The following DCAF7 variants were observed in gnomAD, a reference collection of about 807,000 sequenced individuals.
DCAF7 encodes the protein DDB1 and CUL4 associated factor 7.
DCAF7 carries 4 observed loss-of-function variants against 41.2 expected under a neutral mutation model. The ratio of observed to expected loss-of-function variants is 0.10; its 90% CI spans 0.05 to 0.22. The LOEUF (loss-of-function observed/expected upper bound fraction) is 0.22, where lower values mean the gene tolerates loss of function less well. Ranked by LOEUF, DCAF7 falls within the 10% of genes least tolerant of loss-of-function variation. DCAF7 has a pLI of 1.00. For synonymous variants in DCAF7, 143 were observed against 164.2 expected (o/e 0.87, Z 0.99); for missense variants, 131 against 443.2 (o/e 0.30, Z 6.32).
rs879887959 is a variant in DCAF7, at chr17:63,575,687, G to GA, written c.139-2775dup. 2.0e-4 allele frequency among the ~76,000 whole-genome samples: 31 copies of GA among 151,824 alleles called. No individual in the cohort carries two copies. In the East Asian group the frequency reaches 2.1e-3, roughly 10 times the overall value. ...TGGGTGCTAGAGCGAGACTCTGTCTGAAAAAAAAGAACTTAAAAAAGGCGT... is the reference window on the plus strand; with the variant it reads ...TGGGTGCTAGAGCGAGACTCTGTCTGAAAAAAAAAGAACTTAAAAAAGGCGT... On this transcript the variant is annotated intron_variant, in intron 1 of 6. Transcript: ENST00000614556.
intron 1 of DCAF7, among the ~76,000 whole-genome samples, chr17:63,565,103 G>A (rs892016707): frequency 1.3e-5 from 2 of 152,278 alleles, no homozygotes; most frequent in East Asian, 1.9e-4. Context: ...ATGCCACTGC[G>A]TTCCAGCCTG....
chr17:63,567,381 G>A (rs2033454911), intron 1 of DCAF7, among the ~76,000 whole-genome samples: 1 of 152,200 alleles, frequency 6.6e-6, no homozygotes, highest in Admixed American at 6.5e-5. Context: ...TGGAGCAGAA[G>A]AGCCAGTGTC....
chr17:63,569,991 G>T (rs1036512182), intron 1 of DCAF7, among the ~76,000 whole-genome samples: 1 of 152,160 alleles, frequency 6.6e-6, no homozygotes, highest in South Asian at 2.1e-4. Context: ...GGGATTACAG[G>T]TGTGAGCCAC....
chr17:63,582,168 G>A (rs1327204156), intron 4 of DCAF7, among the ~76,000 whole-genome samples: 1 of 152,176 alleles, frequency 6.6e-6, no homozygotes, highest in Non-Finnish European at 1.5e-5. Flanking sequence ...CCTTGTTGAT[G>A]ACTGGCCCGG....
intron 1 of DCAF7, among the ~76,000 whole-genome samples, chr17:63,570,326 C>T (rs934603634): frequency 1.3e-5 from 2 of 151,922 alleles, no homozygotes; most frequent in Non-Finnish European, 2.9e-5. Flanking sequence ...TGGTGGTATG[C>T]ACCTGTAATC....
chr17:63,552,085 A>C (rs909847026), intron 1 of DCAF7, among the ~76,000 whole-genome samples: 5 of 151,874 alleles, frequency 3.3e-5, no homozygotes, highest in African/African-American at 1.2e-4. Context: ...CTCAGAAAAA[A>C]AAAGAAGAAT....
intron 1 of DCAF7, among the ~76,000 whole-genome samples, chr17:63,569,383 G>GAAA (rs796123483): frequency 8.1e-6 from 1 of 123,720 alleles, no homozygotes. Flanking sequence ...CTACTTTAAG[G>GAAA]AAAAAAAAAA....
chr17:63,562,553 TATA>T (rs1443625090), intron 1 of DCAF7, among the ~76,000 whole-genome samples: 2 of 151,620 alleles, frequency 1.3e-5, no homozygotes, highest in Non-Finnish European at 2.9e-5. Flanking sequence ...TTATTATTAT[TATA>T]CTTTAAGTTT....
rs551155687 is a variant in DCAF7 at position 63,587,339 on chromosome 17, T to C, written c.857-1661T>C. On this transcript the variant is annotated intron_variant, in intron 6 of 6. Coordinates refer to ENST00000614556, the MANE Select transcript of DCAF7 (RefSeq NM_005828.5). ...CATTATTGCCCTCTTTTTTTTTTTTTCCCAGGGGTGTGGATAGGGAGGGAT... is the reference window on the plus strand; with the variant it reads ...CATTATTGCCCTCTTTTTTTTTTTTCCCCAGGGGTGTGGATAGGGAGGGAT... 7.3e-4 allele frequency among the ~76,000 whole-genome samples: 110 copies of C among 151,462 alleles called. 1 individual carries two copies. The highest frequency in any genetic ancestry group is 3.4e-3 in the Middle Eastern group (1 of 294).
intron 1 of DCAF7, among the ~76,000 whole-genome samples, chr17:63,553,603 A>G (rs2033281058): frequency 6.6e-6 from 1 of 152,220 alleles, no homozygotes; most frequent in African/African-American, 2.4e-5. Flanking sequence ...CCTGCTTGCC[A>G]TGGATAGTGG....
At chr17:63,551,892 A>G (rs2033259137) in intron 1 of DCAF7, among the ~76,000 whole-genome samples, 1 of 17,226 alleles carries the variant, frequency 5.8e-5, no homozygotes, top group Non-Finnish European at 1.1e-4. Flanking sequence ...ACTAAAATAC[A>G]AAAAAAAAAA....
rs891177038 is a variant in DCAF7 at position 63,591,362 on chromosome 17, A to T, written c.*2190A>T. The stretch of plus-strand genomic sequence containing the variant: ...ACTCAGAAACAACAACTTGAAAAAA[A>T]AATAATAATTAGAACATATTTGCAT... On this transcript the variant is annotated 3_prime_UTR_variant, in exon 7 of 7. Transcript: ENST00000614556. 27 of 152,366 alleles carry T rather than the reference A, an allele frequency of 1.8e-4. 1 individual carries two copies. Among genetic ancestry groups the T allele is most frequent in the Admixed American group, 5.9e-4 (9 of 15,302 alleles). The allele number at this position is 152,366 out of a possible 1,614,324, so 9.4% of individuals were successfully genotyped here.
At chr17:63,574,976 AAAAT>A (rs940137250) in intron 1 of DCAF7, among the ~76,000 whole-genome samples, 1 of 151,958 alleles carries the variant, frequency 6.6e-6, no homozygotes, top group Non-Finnish European at 1.5e-5. Context: ...TATCTTAAAA[AAAAT>A]AAAACACAAT....
chr17:63,564,136 TACACACAC>T (rs369218596), intron 1 of DCAF7, among the ~76,000 whole-genome samples: 17 of 147,972 alleles, frequency 1.1e-4, no homozygotes, highest in Non-Finnish European at 1.5e-5. Flanking sequence ...GTTAACTTTA[TACACACAC>T]ACACACACAC....
At chr17:63,585,410 G>A (rs2033666614) in intron 6 of DCAF7, 82 bp downstream of exon 6, 2 of 1,258,946 alleles carry the variant, frequency 1.6e-6, no homozygotes, top group African/African-American at 2.9e-5. Context: ...AGTTGTTACT[G>A]TTTTCTAAGC....
At chr17:63,569,602 A>G (rs1036450993) in intron 1 of DCAF7, among the ~76,000 whole-genome samples, 2 of 152,114 alleles carry the variant, frequency 1.3e-5, no homozygotes, top group Non-Finnish European at 2.9e-5. Flanking sequence ...TTTTTGTTTA[A>G]TTCTAAGGTG....
chr17:63,588,888 G>C (rs1253762112), intron 6 of DCAF7, 112 bp from the exon 7 acceptor site: 7 of 1,166,346 alleles, frequency 6.0e-6, no homozygotes, highest in Non-Finnish European at 8.2e-6. Flanking sequence ...GCTTAAAATA[G>C]AACCGCCATC....
At chr17:63,552,087 A>G (rs1263226246) in intron 1 of DCAF7, among the ~76,000 whole-genome samples, 1 of 151,830 alleles carries the variant, frequency 6.6e-6, no homozygotes, top group Non-Finnish European at 1.5e-5. Context: ...CAGAAAAAAA[A>G]AGAAGAATAA....
At chr17:63,554,291 A>G (rs2033288610) in intron 1 of DCAF7, among the ~76,000 whole-genome samples, 1 of 152,222 alleles carries the variant, frequency 6.6e-6, no homozygotes, top group African/African-American at 2.4e-5. Context: ...GTGTTGGAGC[A>G]ACAGGTTCTC....
Sources: allele counts gnomAD v4.1 joint callset (sites outside exome capture counted in the v4.1 genomes callset), GRCh38; gene constraint gnomAD v4.1.1; transcripts MANE v1.5; gene names NCBI Gene and HGNC (gene_info 2026-07-23, HGNC 2026-07-21).